KIF4A: variants seen among roughly 807,000 people sequenced by gnomAD.
KIF4A encodes the protein kinesin family member 4A.
Under a neutral mutation model 105.9 loss-of-function variants are expected in KIF4A, and 7 were observed. That is an observed-to-expected ratio of 0.07 (90% CI 0.04 to 0.12). The LOEUF is 0.12. KIF4A is among the 10% of genes least tolerant of loss of function. The pLI, the probability that KIF4A is intolerant of heterozygous loss-of-function variation, is 1.00. For synonymous variants in KIF4A, 281 were observed against 331.3 expected, an observed-to-expected ratio of 0.85 and a Z score of 1.65; for missense variants, 558 against 929.2, an observed-to-expected ratio of 0.60 and a Z score of 5.19.
rs199524261 is a variant in KIF4A, at chrX:70,373,555, TAC to T, written c.1675-595_1675-594del. On this transcript the variant is annotated intron_variant, in intron 15 of 30. Transcript: ENST00000374403. Reference sequence around the variant, plus strand: ...ATATATATATATATATATATATATATACGTATATATATACATATATACGTGTA... The same window carrying T: ...ATATATATATATATATATATATATATGTATATATATACATATATACGTGTA... Among the ~76,000 whole-genome samples the T allele has an allele frequency of 6.9e-4, 29 of 41,978 alleles. 4 individuals carry two copies. The highest frequency in any genetic ancestry group is 6.1e-3 in the East Asian group (6 of 983). 36.5% of individuals were successfully genotyped at this position (41,978 alleles called of 115,157 possible).
chrX:70,408,594 A>T, intron 28 of KIF4A, among the ~76,000 whole-genome samples: 1 of 112,047 alleles, frequency 8.9e-6, no homozygotes, highest in South Asian at 3.8e-4. Context: ...ATTAGCCTAT[A>T]GCTCATCACC....
At chrX:70,410,501 G>A (rs916296025) in intron 28 of KIF4A, among the ~76,000 whole-genome samples, 1 of 111,903 alleles carries the variant, frequency 8.9e-6, no homozygotes, top group Admixed American at 9.5e-5. Context: ...CTGGGCCTCA[G>A]ATTCCTTACC....
chrX:70,341,241 G>A (rs1010945355), intron 10 of KIF4A, among the ~76,000 whole-genome samples: 3 of 111,729 alleles, frequency 2.7e-5, no homozygotes, highest in African/African-American at 9.7e-5. Context: ...TGTTTTCTGA[G>A]TGGCCGCTGG....
chrX:70,332,760 C>G (rs2085935796), intron 9 of KIF4A, among the ~76,000 whole-genome samples: 1 of 110,925 alleles, frequency 9.0e-6, no homozygotes, highest in African/African-American at 3.3e-5. Context: ...AAAGCACATG[C>G]AAGGAGACCA....
intron 15 of KIF4A, among the ~76,000 whole-genome samples, chrX:70,359,547 C>G (rs2086065938): frequency 9.2e-6 from 1 of 108,460 alleles, no homozygotes; most frequent in South Asian, 4.1e-4. Flanking sequence ...TAGTCTGGGG[C>G]ACGTACAGCA....
chrX:70,363,420 G>C (rs1348096557), intron 15 of KIF4A, among the ~76,000 whole-genome samples: 1 of 110,083 alleles, frequency 9.1e-6, no homozygotes, highest in Admixed American at 9.7e-5. Context: ...ACAGGCCCCG[G>C]TGTGTGATGT....
At chrX:70,354,551 T>G (rs2086043591) in intron 15 of KIF4A, among the ~76,000 whole-genome samples, 1 of 112,800 alleles carries the variant, frequency 8.9e-6, no homozygotes, top group Non-Finnish European at 1.9e-5. Flanking sequence ...AAAAACACTT[T>G]ATTACTTTAC....
intron 18 of KIF4A, among the ~76,000 whole-genome samples, chrX:70,383,912 G>A (rs1231796146): frequency 4.5e-5 from 5 of 111,796 alleles, no homozygotes; most frequent in Non-Finnish European, 5.6e-5. Flanking sequence ...GTTGTAGGGT[G>A]ATCACTAAAC....
At chrX:70,414,036 A>G (rs1434743016) in intron 28 of KIF4A, among the ~76,000 whole-genome samples, 1 of 111,077 alleles carries the variant, frequency 9.0e-6, no homozygotes, top group Non-Finnish European at 1.9e-5. Flanking sequence ...CAGATCATGG[A>G]GGGCCTTGTC....
intron 18 of KIF4A, among the ~76,000 whole-genome samples, chrX:70,382,132 T>C (rs2086199271): frequency 8.9e-6 from 1 of 112,516 alleles, no homozygotes; most frequent in African/African-American, 3.2e-5. Context: ...TGCAAAATAA[T>C]GAAGTTGAAA....
At position 70,333,525 on chromosome X, in the gene KIF4A, A is replaced by G; in HGVS notation, c.1072-103A>G. 8.9e-6 allele frequency: 5 copies of G among 563,053 alleles called. No homozygotes were observed. In the South Asian group the frequency reaches 1.3e-4, roughly 15 times the overall value. The allele number at this position is 563,053 out of a possible 1,213,427, so 46.4% of individuals were successfully genotyped here. A position where few individuals can be genotyped will look rare whatever the true frequency, so the allele number is the denominator to read the frequency against. ...GCTATCTGCCTTAGATTTCATAGACATTTAGTAAAATTACTTTATTGCTAA... is the reference window on the plus strand; with the variant it reads ...GCTATCTGCCTTAGATTTCATAGACGTTTAGTAAAATTACTTTATTGCTAA... On this transcript the variant is annotated intron_variant, in intron 9 of 30. Transcript: ENST00000374403.
intron 27 of KIF4A, 26 bp from the exon 28 acceptor site, chrX:70,406,862 TAACTA>T (rs2086302184): frequency 8.4e-7 from 1 of 1,189,814 alleles, no homozygotes; most frequent in East Asian, 3.0e-5. Flanking sequence ...TTTTATTAAA[TAACTA>T]AACTACTCCA....
At chrX:70,414,973 A>G (rs1222777392) in intron 28 of KIF4A, among the ~76,000 whole-genome samples, 3 of 112,241 alleles carry the variant, frequency 2.7e-5, no homozygotes, top group African/African-American at 9.7e-5. Context: ...ATTGCTTCCT[A>G]TAATTCTGAT....
At chrX:70,367,031 T>G (rs1215320340) in intron 15 of KIF4A, among the ~76,000 whole-genome samples, 1 of 111,980 alleles carries the variant, frequency 8.9e-6, no homozygotes, top group African/African-American at 3.2e-5. Context: ...TTTTGATCTT[T>G]GTTGGTTTAA....
intron 15 of KIF4A, chrX:70,362,276 G>C (rs1308003559): frequency 5.6e-6 from 2 of 355,568 alleles, no homozygotes; most frequent in Non-Finnish European, 1.1e-5. Flanking sequence ...CCAGAGATGT[G>C]TGCACCATGT....
intron 10 of KIF4A, among the ~76,000 whole-genome samples, chrX:70,337,356 G>A (rs1321607925): frequency 1.8e-5 from 2 of 111,217 alleles, no homozygotes; most frequent in Non-Finnish European, 3.8e-5. Flanking sequence ...GTAATATTCC[G>A]TCTCTTTAAA....
intron 3 of KIF4A, among the ~76,000 whole-genome samples, chrX:70,292,330 C>G (rs1021893979): frequency 1.8e-5 from 2 of 112,484 alleles, no homozygotes; most frequent in African/African-American, 6.5e-5. Flanking sequence ...TTTGCTGTCT[C>G]TTTAGTCTCC....
At chrX:70,338,052 T>A (rs1436645445) in intron 10 of KIF4A, among the ~76,000 whole-genome samples, 2 of 111,957 alleles carry the variant, frequency 1.8e-5, no homozygotes, top group Non-Finnish European at 3.8e-5. Context: ...ATCAGTTGTC[T>A]TTTACTTTGT....
intron 7 of KIF4A, among the ~76,000 whole-genome samples, chrX:70,315,085 T>G (rs1273687952): frequency 8.9e-6 from 1 of 111,968 alleles, no homozygotes; most frequent in Admixed American, 9.5e-5. Flanking sequence ...AAACTTAATG[T>G]AAGGGGTTTC....
Sources: gnomAD v4.1 joint callset for allele counts (sites outside exome capture counted in the v4.1 genomes callset) on GRCh38, gnomAD v4.1.1 for gene constraint, MANE v1.5 for transcripts, NCBI Gene and HGNC (gene_info 2026-07-23, HGNC 2026-07-21) for gene names.